Variants in CRTC3 observed in about 807,000 individuals in gnomAD.
CRTC3 encodes the protein CREB-regulated transcription coactivator 3.
Under a neutral mutation model 74.5 loss-of-function variants are expected in CRTC3, and 26 were observed. The observed-to-expected ratio is 0.35, with a 90% CI of 0.26 to 0.48. The LOEUF is 0.48. CRTC3 is among the 20% of genes least tolerant of loss of function. The probability of loss-of-function intolerance (pLI) is 0.99; values close to 1 mark genes in which losing one functional copy is unlikely to be tolerated. For missense variants in CRTC3, 760 were observed against 787.3 expected (o/e 0.97, Z 0.41); for synonymous variants, 377 against 325.8 (o/e 1.16, Z -1.69).
intron 9 of CRTC3, among the ~76,000 whole-genome samples, chr15:90,622,678 C>T (rs1968692774): frequency 6.6e-6 from 1 of 152,118 alleles, no homozygotes; most frequent in Admixed American, 6.5e-5. Context: ...TGGCGAAACC[C>T]TGTCTCTACT....
chr15:90,591,040 G>A (rs1967787162), intron 2 of CRTC3, among the ~76,000 whole-genome samples: 1 of 151,876 alleles, frequency 6.6e-6, no homozygotes, highest in Non-Finnish European at 1.5e-5. Context: ...CTGCAGCCTC[G>A]AACACCTGGG....
At chr15:90,629,583 A>G (rs1418282295) in intron 11 of CRTC3, 51 bp downstream of exon 11, 2 of 1,576,358 alleles carry the variant, frequency 1.3e-6, no homozygotes, top group East Asian at 4.5e-5. Context: ...ACTGCAAGAT[A>G]TAGGAAGTGC....
chr15:90,558,262 G>A (rs1019020028), intron 2 of CRTC3, among the ~76,000 whole-genome samples: 1 of 152,110 alleles, frequency 6.6e-6, no homozygotes, highest in Non-Finnish European at 1.5e-5. Context: ...TCTTGCAAGA[G>A]CCTCCTGACT....
chr15:90,574,450 C>T (rs1432950746), intron 2 of CRTC3, among the ~76,000 whole-genome samples: 2 of 152,104 alleles, frequency 1.3e-5, no homozygotes, highest in African/African-American at 2.4e-5. Flanking sequence ...TGTACTCTAG[C>T]CTGGTGACAG....
intron 2 of CRTC3, among the ~76,000 whole-genome samples, chr15:90,575,952 A>G (rs1967394441): frequency 6.6e-6 from 1 of 152,170 alleles, no homozygotes; most frequent in Non-Finnish European, 1.5e-5. Context: ...ATATGATCAG[A>G]TTTGTGTTTT....
intron 11 of CRTC3, chr15:90,638,012 G>A (rs892313254): frequency 5.4e-5 from 9 of 165,384 alleles, no homozygotes; most frequent in African/African-American, 2.2e-4. Flanking sequence ...TTAGTGTTCT[G>A]TGCTGTTGTT....
intron 2 of CRTC3, among the ~76,000 whole-genome samples, chr15:90,569,646 T>C (rs1404660374): frequency 6.6e-6 from 1 of 151,576 alleles, no homozygotes; most frequent in African/African-American, 2.4e-5. Context: ...ATAGGTGTGA[T>C]CATAGCTCAC....
intron 2 of CRTC3, among the ~76,000 whole-genome samples, chr15:90,558,426 A>C (rs994655117): frequency 2.6e-5 from 4 of 152,168 alleles, no homozygotes; most frequent in African/African-American, 4.8e-5. Flanking sequence ...TGCAAAGTGC[A>C]GGCAGTCCCT....
chr15:90,558,664 A>C lies in CRTC3; in HGVS notation c.231+18527A>C, dbSNP rs1966946499. ...TGTCAGGGAGGCCTTGCCTCTCTAA[A>C]ATCTAAATTCCCTCCACCGTCTTTC... On this transcript the variant is annotated intron_variant, in intron 2 of 14. Coordinates refer to ENST00000268184, the MANE Select transcript of CRTC3 (RefSeq NM_022769.5). Among the ~76,000 whole-genome samples, 4 of 151,918 alleles carry C rather than the reference A, an allele frequency of 2.6e-5. No individual in the cohort carries two copies. The South Asian group carries it at 8.3e-4, about 32-fold the overall frequency.
At chr15:90,615,976 C>T (rs1968484306) in intron 7 of CRTC3, among the ~76,000 whole-genome samples, 1 of 151,982 alleles carries the variant, frequency 6.6e-6, no homozygotes, top group South Asian at 2.1e-4. Flanking sequence ...TCTCCTGCCT[C>T]AGCCTCCCGA....
Position 90,643,229 on chromosome 15 carries a change from G to A in CRTC3, c.*1089G>A, listed in dbSNP as rs7179095. 50,460 of 232,436 alleles carry A rather than the reference G, an allele frequency of 0.22. 6,332 individuals carry two copies. Among genetic ancestry groups the A allele is most frequent in the African/African-American group, 0.34 (15,343 of 45,372 alleles). 14.4% of individuals were successfully genotyped at this position (232,436 alleles called of 1,614,324 possible). ...TGCGTGCAGCGCATGATGAATGAGT[G>A]CGTCCGCCATGCCGTAAGGCAGGCT... On this transcript the variant is annotated 3_prime_UTR_variant, in exon 15 of 15. Transcript: ENST00000268184.
intron 11 of CRTC3, among the ~76,000 whole-genome samples, chr15:90,633,147 A>AT (rs1969103753): frequency 6.6e-6 from 1 of 152,190 alleles, no homozygotes; most frequent in Non-Finnish European, 1.5e-5. Flanking sequence ...CAGAGTTGAC[A>AT]TATAGTATAC....
At chr15:90,537,521 C>T (rs1966739361) in intron 1 of CRTC3, among the ~76,000 whole-genome samples, 1 of 152,160 alleles carries the variant, frequency 6.6e-6, no homozygotes, top group Admixed American at 6.5e-5. Flanking sequence ...GTAGTTGGGA[C>T]TGCAGGCGCC....
At chr15:90,607,520 C>T (rs1968255652) in intron 6 of CRTC3, 42 bp downstream of exon 6, 1 of 1,262,520 alleles carries the variant, frequency 7.9e-7, no homozygotes, top group East Asian at 2.3e-5. Flanking sequence ...TGTGCTTGCT[C>T]ATTCTGTCCT....
At chr15:90,534,530 C>T (rs1966685483) in intron 1 of CRTC3, among the ~76,000 whole-genome samples, 1 of 151,372 alleles carries the variant, frequency 6.6e-6, no homozygotes, top group South Asian at 2.1e-4. Flanking sequence ...TGCCCTCTAA[C>T]ATGTTTTTGG....
chr15:90,543,589 G>T (rs781414089), intron 2 of CRTC3, among the ~76,000 whole-genome samples: 1 of 152,036 alleles, frequency 6.6e-6, no homozygotes, highest in Non-Finnish European at 1.5e-5. Flanking sequence ...GGCTTGAAGC[G>T]CAAGCTAATC....
intron 2 of CRTC3, among the ~76,000 whole-genome samples, chr15:90,581,578 C>T (rs2151073522): frequency 1.3e-5 from 2 of 152,202 alleles, no homozygotes; most frequent in Non-Finnish European, 2.9e-5. Context: ...GAAAAGGCAC[C>T]TTTAATTTAT....
At chr15:90,583,872 A>G (rs1261390827) in intron 2 of CRTC3, among the ~76,000 whole-genome samples, 1 of 152,086 alleles carries the variant, frequency 6.6e-6, no homozygotes, top group Non-Finnish European at 1.5e-5. Context: ...TGATGTTATA[A>G]TAGGGTATTT....
chr15:90,530,077 C>A lies in CRTC3; in HGVS notation c.6C>A (p.Ala2=), dbSNP rs1322469397. The A allele has an allele frequency of 2.8e-6, 4 of 1,434,774 alleles. No individual in the cohort carries two copies. The South Asian group carries it at 4.9e-5, about 18-fold the overall frequency. 88.9% of individuals were successfully genotyped at this position (1,434,774 alleles called of 1,614,324 possible). A position where few individuals can be genotyped will look rare whatever the true frequency, so the allele number is the denominator to read the frequency against. The change falls in exon 1 of 15, where the codon GCC becomes GCA. Residue 2 remains alanine (A), a synonymous_variant. Coordinates refer to ENST00000268184, the MANE Select transcript of CRTC3 (RefSeq NM_022769.5). This position sits in a 1 kb window ranked among gnomAD's most constrained non-coding sequence, Gnocchi z 6.2. The stretch of plus-strand genomic sequence containing the variant: ...GCCCGCGCAGAGTCCGCGCCATGGC[C>A]GCCTCGCCGGGCTCGGGCAGCGCCA... M[A]ASPGSGSANP...
Sources: gnomAD v4.1 joint callset for allele counts (sites outside exome capture counted in the v4.1 genomes callset) on GRCh38, gnomAD v4.1.1 for gene constraint, Gnocchi (gnomAD v3.1) non-coding constraint, MANE v1.5 for transcripts, NCBI Gene and HGNC (gene_info 2026-07-23, HGNC 2026-07-21) for gene names.